COL27A1: variants seen among roughly 807,000 people sequenced by gnomAD.
The protein encoded by COL27A1 is collagen alpha-1(XXVII) chain.
Under a neutral mutation model 251.3 loss-of-function variants are expected in COL27A1, and 106 were observed. The ratio of observed to expected loss-of-function variants is 0.42; its 90% CI spans 0.36 to 0.50. The LOEUF (loss-of-function observed/expected upper bound fraction) is 0.50, where lower values mean the gene tolerates loss of function less well. COL27A1 is among the 20% of genes least tolerant of loss of function. The pLI, the probability that COL27A1 is intolerant of heterozygous loss-of-function variation, is 0.00. For synonymous variants in COL27A1, 1,000 were observed against 986.3 expected (o/e 1.01, Z -0.26); for missense variants, 2,325 against 2,522.8 (o/e 0.92, Z 1.68).
chr9:114,168,440 C>T lies in COL27A1; in HGVS notation c.885C>T (p.Ala295=), dbSNP rs953996090. Residue 295 remains alanine (A), a synonymous_variant, in exon 3 of 61, where the codon GCC becomes GCT. Transcript: ENST00000356083. Reference sequence around the variant, plus strand: ...GACCCAGGGGGACTGTGGCACCCGCCACGCCCACCAAGCCCCAAAGGACTA... The same window carrying T: ...GACCCAGGGGGACTGTGGCACCCGCTACGCCCACCAAGCCCCAAAGGACTA... The part of the protein sequence containing the change: ...GRGPRGTVAP[A]TPTKPQRTSP... 1 of 1,613,886 alleles carries T rather than the reference C, an allele frequency of 6.2e-7. No individual in the cohort carries two copies.
chr9:114,200,850 A>G (rs1054854559), intron 7 of COL27A1, among the ~76,000 whole-genome samples: 5 of 152,174 alleles, frequency 3.3e-5, no homozygotes, highest in African/African-American at 1.2e-4. Flanking sequence ...GCAGAGATTC[A>G]TGGAGAGCTA....
chr9:114,193,786 T>C (rs1588629820), intron 5 of COL27A1, among the ~76,000 whole-genome samples: 1 of 151,968 alleles, frequency 6.6e-6, no homozygotes, highest in African/African-American at 2.4e-5. Flanking sequence ...AATCAAAAAG[T>C]ATTGACACGC....
intron 50 of COL27A1, 162 bp downstream of exon 50, chr9:114,300,285 T>A: frequency 1.4e-6 from 1 of 697,220 alleles, no homozygotes; most frequent in Non-Finnish European, 2.4e-6. Flanking sequence ...CCAGAAGATC[T>A]AGGTTCCAAG....
chr9:114,310,430 C>T lies in COL27A1; in HGVS notation c.5437-119C>T, dbSNP rs1829367369. 2.8e-6 allele frequency: 3 copies of T among 1,089,480 alleles called. No homozygotes were observed. In the African/African-American group the frequency reaches 4.6e-5, roughly 17 times the overall value. The allele number at this position is 1,089,480 out of a possible 1,614,324, so 67.5% of individuals were successfully genotyped here. On this transcript the variant is annotated intron_variant, in intron 60 of 60. Coordinates refer to ENST00000356083, the MANE Select transcript of COL27A1 (RefSeq NM_032888.4). ...TCTAAATGTGCCATATAGGTCATTGCTACAATGAAATACAGTATAGCCATT... is the reference window on the plus strand; with the variant it reads ...TCTAAATGTGCCATATAGGTCATTGTTACAATGAAATACAGTATAGCCATT...
At position 114,168,906 on chromosome 9, in the gene COL27A1, A is replaced by G; in HGVS notation, c.1351A>G (p.Lys451Glu). 1 of 1,613,902 alleles carries G rather than the reference A, an allele frequency of 6.2e-7. No homozygotes were observed. The highest frequency in any genetic ancestry group is 8.5e-7 in the Non-Finnish European group (1 of 1,179,938). Residue 451 changes from lysine (K) to glutamate (E), a missense_variant, in exon 3 of 61, where the codon AAA becomes GAA. By Grantham distance (56) the Lys-to-Glu change is moderately conservative. Around this residue, in one of 4 missense-constraint regions of COL27A1, gnomAD observed 1,183 missense variants for 1,144.1 expected, o/e 1.03. Transcript: ENST00000356083. ...CCTACCTCCTACCACCAGCTCCTCTAAAAAACCCATTCCCACACTAGCTCG... is the reference window on the plus strand; with the variant it reads ...CCTACCTCCTACCACCAGCTCCTCTGAAAAACCCATTCCCACACTAGCTCG... ...RPLPPTTSSS[K>E]KPIPTLARTE...
At chr9:114,292,322 C>G in intron 49 of COL27A1, 112 bp downstream of exon 49, 4 of 845,752 alleles carry the variant, frequency 4.7e-6, no homozygotes, top group Non-Finnish European at 3.7e-6. Flanking sequence ...AACACACTGA[C>G]CCAGAAGCCA....
chr9:114,294,146 G>A (rs1828106540), intron 49 of COL27A1, among the ~76,000 whole-genome samples: 1 of 151,210 alleles, frequency 6.6e-6, no homozygotes, highest in Non-Finnish European at 1.5e-5. Context: ...TACTCAGGAG[G>A]CTGAGGCAGG....
chr9:114,243,006 T>A (rs1832861947), intron 22 of COL27A1, among the ~76,000 whole-genome samples: 1 of 152,126 alleles, frequency 6.6e-6, no homozygotes, highest in Admixed American at 6.6e-5. Flanking sequence ...CCACTGACAA[T>A]ATTGCGCGCC....
chr9:114,221,821 T>C (rs1831130104), intron 13 of COL27A1, among the ~76,000 whole-genome samples: 1 of 152,236 alleles, frequency 6.6e-6, no homozygotes, highest in African/African-American at 2.4e-5. Context: ...GGAGCCCTCA[T>C]GGCTTTGTCA....
At chr9:114,166,333 ATCTAT>A (rs1848856533) in intron 2 of COL27A1, among the ~76,000 whole-genome samples, 1 of 149,270 alleles carries the variant, frequency 6.7e-6, no homozygotes, top group Non-Finnish European at 1.5e-5. Flanking sequence ...CCATCTACTC[ATCTAT>A]CCTTTCATGC....
rs754775858 is a variant in COL27A1, at chr9:114,168,922, C to T, written c.1367C>T (p.Thr456Ile). 6.2e-7 allele frequency: 1 copy of T among 1,614,162 alleles called. No individual in the cohort carries two copies. The highest frequency in any genetic ancestry group is 2.2e-5 in the East Asian group (1 of 44,870). ...AGCTCCTCTAAAAAACCCATTCCCA[C>T]ACTAGCTCGGACTGAGGCCAAGATA... Reference protein sequence around the residue: ...TTSSSKKPIPTLARTEAKITS... With the variant: ...TTSSSKKPIPILARTEAKITS... Residue 456 changes from threonine (T) to isoleucine (I), a missense_variant, in exon 3 of 61, where the codon ACA becomes ATA. This residue lies in a region of COL27A1 where 1,183 missense variants were observed against 1,144.1 expected (regional missense o/e 1.03). Coordinates refer to ENST00000356083, the MANE Select transcript of COL27A1 (RefSeq NM_032888.4).
At chr9:114,236,696 G>A (rs1249717) in intron 17 of COL27A1, among the ~76,000 whole-genome samples, 98,053 of 152,046 alleles carry the variant, frequency 0.64, 33,623 homozygotes, top group South Asian at 0.83. Flanking sequence ...AGTTCCCCAG[G>A]AGTCAGAGGC....
chr9:114,194,917 C>T (rs1024850458), intron 6 of COL27A1, among the ~76,000 whole-genome samples: 4 of 152,212 alleles, frequency 2.6e-5, no homozygotes, highest in African/African-American at 7.2e-5. Context: ...TCAGGGCTCC[C>T]TAACTCTGAA....
In COL27A1 at chr9:114,264,402, C is replaced by T; in HGVS notation, c.3243C>T (p.Gly1081=). 6.3e-7 allele frequency: 1 copy of T among 1,585,022 alleles called. No individual in the cohort carries two copies. The highest frequency in any genetic ancestry group is 1.2e-5 in the South Asian group (1 of 86,594). The change falls in exon 29 of 61, where the codon GGC becomes GGT. Residue 1081 remains glycine (G), a synonymous_variant. Transcript: ENST00000356083. The stretch of plus-strand genomic sequence containing the variant: ...CAGCTGGGGAGCAAGGGTCCAGGGG[C>T]CTGAAGGTACCGACCCCTAGGACCT... ...DGPAGEQGSR[G]LKGPPGPQGR...
At position 114,309,439 on chromosome 9, in the gene COL27A1, G is replaced by C; in HGVS notation, c.5397G>C (p.Gly1799=). The change falls in exon 60 of 61, where the codon GGG becomes GGC. Residue 1799 remains glycine, a synonymous_variant. Transcript: ENST00000356083. ...GGAATGGACAGATTTTTGAAGCTGG[G>C]GGTCAGTTCCGGCCCGAGGTGTCCA... ...RAWNGQIFEA[G]GQFRPEVSMD... The C allele has an allele frequency of 6.2e-7, 1 of 1,613,996 alleles. No homozygotes were observed. The highest frequency in any genetic ancestry group is 8.5e-7 in the Non-Finnish European group (1 of 1,180,002).
Position 114,219,922 on chromosome 9 carries a change from G to C in COL27A1, c.2421+78G>C, listed in dbSNP as rs1020595555. 4 of 1,092,648 alleles carry C rather than the reference G, an allele frequency of 3.7e-6. No individual in the cohort carries two copies. In the African/African-American group the frequency reaches 6.2e-5, roughly 17 times the overall value. The allele number at this position is 1,092,648 out of a possible 1,614,324, so 67.7% of individuals were successfully genotyped here. ...GCAGATTTTAGGAGCCCACGCTTTAGGGTCAGACAGACCTGGGTCAAATCC... is the reference window on the plus strand; with the variant it reads ...GCAGATTTTAGGAGCCCACGCTTTACGGTCAGACAGACCTGGGTCAAATCC... On this transcript the variant is annotated intron_variant, in intron 13 of 60. Coordinates refer to ENST00000356083, the MANE Select transcript of COL27A1 (RefSeq NM_032888.4).
intron 33 of COL27A1, among the ~76,000 whole-genome samples, chr9:114,266,972 C>T (rs1348435586): frequency 6.6e-6 from 1 of 152,172 alleles, no homozygotes; most frequent in Non-Finnish European, 1.5e-5. Context: ...GTCCATCCAG[C>T]CCCCAAGGGT....
At chr9:114,285,409 G>A (rs557267446) in intron 41 of COL27A1, among the ~76,000 whole-genome samples, 1 of 152,220 alleles carries the variant, frequency 6.6e-6, no homozygotes, top group Non-Finnish European at 1.5e-5. Context: ...GTGGTGTCAC[G>A]TCCAAGGCAA....
intron 12 of COL27A1, among the ~76,000 whole-genome samples, chr9:114,213,384 T>C (rs57238217): frequency 0.013 from 2,022 of 152,258 alleles, 48 homozygotes; most frequent in African/African-American, 0.045. Flanking sequence ...AGCACAAAGT[T>C]ACCCTGTTCA....
Sources: gnomAD v4.1 joint callset for allele counts (sites outside exome capture counted in the v4.1 genomes callset) on GRCh38, gnomAD v4.1.1 for gene constraint, gnomAD v4.1.1 regional missense constraint, MANE v1.5 for transcripts, NCBI Gene and HGNC (gene_info 2026-07-23, HGNC 2026-07-21) for gene names.